PIGZ: variants seen among roughly 807,000 people sequenced by gnomAD.
PIGZ encodes the protein phosphatidylinositol glycan anchor biosynthesis class Z (Gwada blood group).
A neutral mutation model predicts 16.4 loss-of-function variants in PIGZ; 16 were observed. The ratio of observed to expected loss-of-function variants is 0.97; its 90% CI spans 0.66 to 1.48. The LOEUF (loss-of-function observed/expected upper bound fraction) is 1.48, where lower values mean the gene tolerates loss of function less well. PIGZ is among the 40% of genes most tolerant of loss of function. The probability of loss-of-function intolerance (pLI) is 0.00; values close to 1 mark genes in which losing one functional copy is unlikely to be tolerated. For synonymous variants in PIGZ, 409 were observed against 338.4 expected, an observed-to-expected ratio of 1.21 and a Z score of -2.29; for missense variants, 770 against 739.2, an observed-to-expected ratio of 1.04 and a Z score of -0.48.
At chr3:196,948,772 C>T in intron 2 of PIGZ, 87 bp from the exon 3 acceptor site, 1 of 1,023,440 alleles carries the variant, frequency 9.8e-7, no homozygotes, top group Non-Finnish European at 1.4e-6. Context: ...TTTCCCACCC[C>T]TTGGTGTGTG....
chr3:196,952,165 A>T (rs1717313877), intron 1 of PIGZ, 134 bp from the exon 2 acceptor site: 1 of 853,894 alleles, frequency 1.2e-6, no homozygotes, highest in South Asian at 1.7e-5. Context: ...CTCTATGCCC[A>T]CTAACTGCCA....
chr3:196,962,616 T>C (rs62411807), intron 1 of PIGZ, among the ~76,000 whole-genome samples: 47,574 of 151,342 alleles, frequency 0.31, 8,405 homozygotes, highest in East Asian at 0.79. Flanking sequence ...AAAACCGCCC[T>C]ATGGCTGGAG....
rs2108890536 is a variant in PIGZ at position 196,946,971 on chromosome 3, CAG to C, written c.*184_*185del. 1 of 542,708 alleles carries C rather than the reference CAG, an allele frequency of 1.8e-6. No individual in the cohort carries two copies. Among genetic ancestry groups the C allele is most frequent in the African/African-American group, 1.9e-5 (1 of 52,794 alleles). The allele number at this position is 542,708 out of a possible 1,614,324, so 33.6% of individuals were successfully genotyped here. On this transcript the variant is annotated 3_prime_UTR_variant, in exon 3 of 3. Coordinates refer to ENST00000412723, the MANE Select transcript of PIGZ (RefSeq NM_025163.4). Reference sequence around the variant, plus strand: ...GACCGACAGGTCAAATCTTTGGTCTCAGGGAGAAGAGTGCCAGCTCACCCAGA... The same window carrying C: ...GACCGACAGGTCAAATCTTTGGTCTCGGAGAAGAGTGCCAGCTCACCCAGA...
chr3:196,948,638 T>C lies in PIGZ; in HGVS notation c.259A>G (p.Ser87Gly), dbSNP rs1196199597. 3 of 1,489,272 alleles carry C rather than the reference T, an allele frequency of 2.0e-6. No individual in the cohort carries two copies. Among genetic ancestry groups the C allele is most frequent in the Admixed American group, 2.5e-5 (1 of 40,390 alleles). The allele number at this position is 1,489,272 out of a possible 1,614,324, so 92.3% of individuals were successfully genotyped here. A position where few individuals can be genotyped will look rare whatever the true frequency, so the allele number is the denominator to read the frequency against. ...AAGAGCACCGAGCGGCAGGAGCTGC[T>C]GGGGTAAAACTCCCAGGGCCGCGCG... Reference protein sequence around the residue: ...QAARPWEFYPSSSCRSVLFPL... With the variant: ...QAARPWEFYPGSSCRSVLFPL... The change falls in exon 3 of 3, where the codon AGC becomes GGC. Residue 87 changes from serine (S) to glycine (G), a missense_variant. By Grantham distance (56) the Ser-to-Gly change is moderately conservative (BLOSUM62 0). Coordinates refer to ENST00000412723, the MANE Select transcript of PIGZ (RefSeq NM_025163.4).
intron 1 of PIGZ, among the ~76,000 whole-genome samples, chr3:196,967,062 C>T (rs1717959294): frequency 6.6e-6 from 1 of 151,854 alleles, no homozygotes; most frequent in Non-Finnish European, 1.5e-5. Flanking sequence ...CAGGGAGAGA[C>T]CATCTCAGAG....
Position 196,947,368 on chromosome 3 carries a change from AC to A in PIGZ, c.1528del (p.Val510TrpfsTer13). On this transcript the variant is annotated frameshift_variant, in exon 3 of 3. Coordinates refer to ENST00000412723, the MANE Select transcript of PIGZ (RefSeq NM_025163.4). LOFTEE classifies it high-confidence loss of function. ...GCGGCAGAGCCATGGCCCACCAGCCACTTGGCAGGCTGGTTGTCTGGTGAAG... is the reference window on the plus strand; with the variant it reads ...GCGGCAGAGCCATGGCCCACCAGCCATTGGCAGGCTGGTTGTCTGGTGAAG... The part of the protein sequence containing the change: ...KSFTRQPACQ[V>X]AGGPWLCRLF... 6.2e-7 allele frequency: 1 copy of A among 1,614,166 alleles called. No individual in the cohort carries two copies. The highest frequency in any genetic ancestry group is 8.5e-7 in the Non-Finnish European group (1 of 1,180,040).
intron 1 of PIGZ, among the ~76,000 whole-genome samples, chr3:196,962,654 C>G (rs965687688): frequency 6.0e-5 from 7 of 117,524 alleles, no homozygotes; most frequent in African/African-American, 2.6e-4. Flanking sequence ...CAATACTGAT[C>G]TTTACTGCAC....
At chr3:196,968,233 G>C (rs1718013353) in intron 1 of PIGZ, among the ~76,000 whole-genome samples, 1 of 152,200 alleles carries the variant, frequency 6.6e-6, no homozygotes, top group Non-Finnish European at 1.5e-5. Flanking sequence ...ATTCTTCTCG[G>C]CTTCGTGCTC....
chr3:196,959,492 A>T (rs942024217), intron 1 of PIGZ, among the ~76,000 whole-genome samples: 4 of 152,166 alleles, frequency 2.6e-5, no homozygotes, highest in African/African-American at 7.2e-5. Flanking sequence ...TCCATCATGC[A>T]TCTACTCCTT....
At chr3:196,963,011 C>T (rs991415728) in intron 1 of PIGZ, among the ~76,000 whole-genome samples, 7 of 152,228 alleles carry the variant, frequency 4.6e-5, no homozygotes, top group East Asian at 1.9e-4. Flanking sequence ...CTCCACCTTG[C>T]GAGAAATACC....
intron 1 of PIGZ, among the ~76,000 whole-genome samples, chr3:196,960,198 A>G (rs1364917080): frequency 6.6e-6 from 1 of 152,012 alleles, no homozygotes. Context: ...GTTCAGAGAG[A>G]TTTTCCTGGA....
chr3:196,957,168 G>C (rs1484951374), intron 1 of PIGZ, among the ~76,000 whole-genome samples: 7 of 114,980 alleles, frequency 6.1e-5, no homozygotes, highest in Non-Finnish European at 8.8e-5. Flanking sequence ...TTGGCTCCAG[G>C]TTTTGTGTGT....
Position 196,968,671 on chromosome 3 carries a change from C to G in PIGZ, c.-1+16G>C, listed in dbSNP as rs1718042578. The G allele has an allele frequency of 6.6e-6, 1 of 152,234 alleles. No individual in the cohort carries two copies. The highest frequency in any genetic ancestry group is 1.5e-5 in the Non-Finnish European group (1 of 68,060). 9.4% of individuals were successfully genotyped at this position (152,234 alleles called of 1,614,324 possible). On this transcript the variant is annotated intron_variant, in intron 1 of 2. Transcript: ENST00000412723. ...ACCCGCTCCTCTGGAGCCGCTGGGGCTGCGCACCGACTCACCCGCGCGGCC... is the reference window on the plus strand; with the variant it reads ...ACCCGCTCCTCTGGAGCCGCTGGGGGTGCGCACCGACTCACCCGCGCGGCC...
At position 196,947,616 on chromosome 3, in the gene PIGZ, G is replaced by A. The variant is rs200188723; in HGVS notation, c.1281C>T (p.Phe427=). 31 of 1,613,312 alleles carry A rather than the reference G, an allele frequency of 1.9e-5. No homozygotes were observed. Among genetic ancestry groups the A allele is most frequent in the Middle Eastern group, 1.7e-4 (1 of 6,058 alleles). The stretch of plus-strand genomic sequence containing the variant: ...CCAGGCCCCCCTGATGCAGGCAGCC[G>A]AAGAGGAGGGCACCGAGGGCGTTGA... The part of the protein sequence containing the change: ...VLFNALGALL[F]GCLHQGGLVP... The change falls in exon 3 of 3, where the codon TTC becomes TTT. Residue 427 remains phenylalanine, a synonymous_variant. Coordinates refer to ENST00000412723, the MANE Select transcript of PIGZ (RefSeq NM_025163.4).
Position 196,947,307 on chromosome 3 carries a change from G to T in PIGZ, c.1590C>A (p.Ala530=), listed in dbSNP as rs765593884. The change falls in exon 3 of 3, where the codon GCC becomes GCA. Residue 530 remains alanine (A), a synonymous_variant. Transcript: ENST00000412723. ...TGAAGGGGAAGCTGCACTTCTCCAC[G>T]GCACGCCTGGTGGTGCCAGGGGTTA... ...FVVTPGTTRR[A]VEKCSFPFKN... 6.2e-7 allele frequency: 1 copy of T among 1,614,166 alleles called. No homozygotes were observed. The highest frequency in any genetic ancestry group is 1.7e-5 in the Admixed American group (1 of 60,022).
intron 1 of PIGZ, among the ~76,000 whole-genome samples, chr3:196,956,405 C>CAAGCGAATGAGAT (rs1717490896): frequency 6.6e-6 from 1 of 152,092 alleles, no homozygotes; most frequent in African/African-American, 2.4e-5. Context: ...GCGAATGAGA[C>CAAGCGAATGAGAT]GCAAGCAAAG....
intron 1 of PIGZ, among the ~76,000 whole-genome samples, chr3:196,959,040 T>G (rs892824788): frequency 1.3e-5 from 2 of 152,008 alleles, no homozygotes; most frequent in Non-Finnish European, 2.9e-5. Flanking sequence ...TACCTAGGTC[T>G]CTGAGCTGGG....
intron 2 of PIGZ, 68 bp from the exon 3 acceptor site, chr3:196,948,753 C>T (rs1453517243): frequency 2.5e-6 from 3 of 1,213,792 alleles, no homozygotes. Flanking sequence ...TCTAGGAGGG[C>T]ACCCCACATT....
chr3:196,953,397 G>T (rs1717365144), intron 1 of PIGZ, among the ~76,000 whole-genome samples: 1 of 152,146 alleles, frequency 6.6e-6, no homozygotes, highest in Admixed American at 6.5e-5. Flanking sequence ...CAACCCCATT[G>T]TTTCCAGTCA....
Sources: gnomAD v4.1 joint callset for allele counts (sites outside exome capture counted in the v4.1 genomes callset) on GRCh38, gnomAD v4.1.1 for gene constraint, MANE v1.5 for transcripts, NCBI Gene and HGNC (gene_info 2026-07-23, HGNC 2026-07-21) for gene names.